STK32A: variants seen among roughly 807,000 people sequenced by gnomAD.
STK32A encodes the protein serine/threonine kinase 32A.
STK32A carries 41 observed loss-of-function variants against 53.2 expected under a neutral mutation model. The observed-to-expected ratio is 0.77, with a 90% CI of 0.60 to 1.00. The LOEUF (loss-of-function observed/expected upper bound fraction) is 1.00, where lower values mean the gene tolerates loss of function less well. Among genes scored for constraint, STK32A ranks in the 50% least tolerant of loss-of-function variants. STK32A has a pLI of 0.00. For synonymous variants in STK32A, 166 were observed against 162.8 expected (o/e 1.02, Z -0.15); for missense variants, 458 against 485.8 (o/e 0.94, Z 0.54).
intron 2 of STK32A, among the ~76,000 whole-genome samples, chr5:147,257,719 C>T (rs553199124): frequency 6.6e-6 from 1 of 152,008 alleles, no homozygotes; most frequent in African/African-American, 2.4e-5. Context: ...CTCGAGTTTT[C>T]CTTCTTTCCA....
At chr5:147,340,720 A>C (rs1443201157) in intron 5 of STK32A, among the ~76,000 whole-genome samples, 1 of 151,974 alleles carries the variant, frequency 6.6e-6, no homozygotes, top group Non-Finnish European at 1.5e-5. Context: ...ATTTTTCTTA[A>C]ATTTTTCTCA....
At chr5:147,268,959 G>A (rs112820187) in intron 2 of STK32A, among the ~76,000 whole-genome samples, 2,255 of 152,260 alleles carry the variant, frequency 0.015, 25 homozygotes, top group Non-Finnish European at 0.022. Context: ...ACTTTTTTGT[G>A]CAAGATTGAT....
At chr5:147,338,405 T>C (rs1460907574) in intron 5 of STK32A, among the ~76,000 whole-genome samples, 1 of 152,188 alleles carries the variant, frequency 6.6e-6, no homozygotes, top group Non-Finnish European at 1.5e-5. Context: ...TCTTTTTCTT[T>C]ATAAATTACC....
At chr5:147,344,225 T>C (rs1424427556) in intron 6 of STK32A, among the ~76,000 whole-genome samples, 1 of 152,214 alleles carries the variant, frequency 6.6e-6, no homozygotes, top group East Asian at 1.9e-4. Context: ...ATTATTTATT[T>C]ACCTATTTTT....
At chr5:147,375,328 G>A in intron 11 of STK32A, 110 bp downstream of exon 11, 3 of 1,385,840 alleles carry the variant, frequency 2.2e-6, no homozygotes, top group Non-Finnish European at 2.9e-6. Context: ...TTGCTGCTTA[G>A]TGAAATAGGA....
chr5:147,387,291 T>G lies in STK32A; in HGVS notation c.*3308T>G, dbSNP rs1200177097. The G allele has an allele frequency of 2.0e-5, 3 of 152,206 alleles. No homozygotes were observed. Among genetic ancestry groups the G allele is most frequent in the Admixed American group, 6.5e-5 (1 of 15,284 alleles). The allele number at this position is 152,206 out of a possible 1,614,324, so 9.4% of individuals were successfully genotyped here. Reference sequence around the variant, plus strand: ...TAACCCACTGCCATGGTGGCACTGGTTTTGCCTGAGGTCATTGCTAGGGCA... The same window carrying G: ...TAACCCACTGCCATGGTGGCACTGGGTTTGCCTGAGGTCATTGCTAGGGCA... On this transcript the variant is annotated 3_prime_UTR_variant, in exon 13 of 13. Transcript: ENST00000397936.
intron 4 of STK32A, among the ~76,000 whole-genome samples, chr5:147,292,861 CA>C (rs58476342): frequency 0.35 from 50,334 of 145,816 alleles, 8,674 homozygotes; most frequent in South Asian, 0.6. Context: ...AACTTCATCT[CA>C]AAAAAAAAAA....
At chr5:147,332,537 A>C (rs116747230) in intron 5 of STK32A, among the ~76,000 whole-genome samples, 1 of 152,078 alleles carries the variant, frequency 6.6e-6, no homozygotes, top group Non-Finnish European at 1.5e-5. Flanking sequence ...CTTTCAGTGT[A>C]TTGATAAAAG....
chr5:147,373,809 G>A (rs1316899877), intron 10 of STK32A, among the ~76,000 whole-genome samples: 1 of 152,112 alleles, frequency 6.6e-6, no homozygotes, highest in Non-Finnish European at 1.5e-5. Context: ...CCCATTGGAT[G>A]GATAGCCAAA....
chr5:147,297,978 C>CAAAAAAAAAAAAAA, intron 4 of STK32A, among the ~76,000 whole-genome samples: 1 of 135,934 alleles, frequency 7.4e-6, no homozygotes, highest in Non-Finnish European at 1.6e-5. Flanking sequence ...GACTCTGTCT[C>CAAAAAAAAAAAAAA]AAAAAAAAAA....
intron 4 of STK32A, among the ~76,000 whole-genome samples, chr5:147,308,772 A>T (rs1220837280): frequency 6.6e-6 from 1 of 151,242 alleles, no homozygotes; most frequent in South Asian, 2.1e-4. Context: ...TTTATCAAAT[A>T]CTTTTGTTTT....
intron 2 of STK32A, among the ~76,000 whole-genome samples, chr5:147,258,698 T>A (rs76032997): frequency 7.0e-6 from 1 of 143,382 alleles, no homozygotes; most frequent in African/African-American, 2.6e-5. Context: ...TTTTTTTTTT[T>A]AAGATAATCA....
chr5:147,252,214 T>A (rs1158747775), intron 2 of STK32A, among the ~76,000 whole-genome samples: 2 of 152,182 alleles, frequency 1.3e-5, no homozygotes, highest in African/African-American at 2.4e-5. Context: ...CTCTTCAACA[T>A]TTTTTAGGTC....
intron 4 of STK32A, among the ~76,000 whole-genome samples, chr5:147,304,956 G>T (rs1197920493): frequency 1.3e-5 from 2 of 151,928 alleles, no homozygotes; most frequent in African/African-American, 4.8e-5. Context: ...CAAAATATAA[G>T]AATAAAATAA....
chr5:147,328,462 T>TC (rs1754707470), intron 5 of STK32A, among the ~76,000 whole-genome samples: 1 of 152,234 alleles, frequency 6.6e-6, no homozygotes, highest in Non-Finnish European at 1.5e-5. Context: ...ATCTTTCTTT[T>TC]CTATCGTTGT....
At chr5:147,321,101 C>G (rs544488272) in intron 4 of STK32A, among the ~76,000 whole-genome samples, 1 of 152,264 alleles carries the variant, frequency 6.6e-6, no homozygotes, top group South Asian at 2.1e-4. Context: ...TAGTTATCTT[C>G]CTTACTGAGC....
chr5:147,330,860 G>A (rs1406724190), intron 5 of STK32A, among the ~76,000 whole-genome samples: 1 of 152,170 alleles, frequency 6.6e-6, no homozygotes, highest in African/African-American at 2.4e-5. Context: ...TACCAATCAA[G>A]GTCCTGTTTG....
At chr5:147,342,974 A>G in intron 5 of STK32A, 32 bp from the exon 6 acceptor site, 1 of 1,611,810 alleles carries the variant, frequency 6.2e-7, no homozygotes, top group Non-Finnish European at 8.5e-7. Context: ...TTTTATTGTG[A>G]GCAACTTTCT....
intron 6 of STK32A, among the ~76,000 whole-genome samples, chr5:147,347,729 C>T (rs1755758611): frequency 6.6e-6 from 1 of 152,166 alleles, no homozygotes; most frequent in African/African-American, 2.4e-5. Context: ...CTTCAGTCAG[C>T]AGGAGACTGA....
Sources: gnomAD v4.1 joint callset for allele counts (sites outside exome capture counted in the v4.1 genomes callset) on GRCh38, gnomAD v4.1.1 for gene constraint, MANE v1.5 for transcripts, NCBI Gene and HGNC (gene_info 2026-07-23, HGNC 2026-07-21) for gene names.